RAB3GAP1: variants seen among roughly 807,000 people sequenced by gnomAD.
RAB3GAP1 encodes the protein rab3 GTPase-activating protein catalytic subunit.
In RAB3GAP1, 86 loss-of-function variants were observed where a neutral mutation model predicts 130.7. That is an observed-to-expected ratio of 0.66 (90% CI 0.55 to 0.79). The LOEUF (loss-of-function observed/expected upper bound fraction) is 0.79. RAB3GAP1 is among the 30% of genes least tolerant of loss of function. RAB3GAP1 has a pLI of 0.00. For synonymous variants in RAB3GAP1, 367 were observed against 401.7 expected (o/e 0.91, Z 1.03); for missense variants, 1,029 against 1,169.4 (o/e 0.88, Z 1.75).
intron 11 of RAB3GAP1, among the ~76,000 whole-genome samples, chr2:135,129,461 A>T (rs78766144): frequency 9.9e-5 from 15 of 151,664 alleles, no homozygotes; most frequent in East Asian, 3.9e-4. Context: ...CAAAAAAAAA[A>T]AAATAAAATA....
rs146704578 is a variant in RAB3GAP1 at position 135,095,817 on chromosome 2, C to T, written c.362+2124C>T. ...TATCTACAATGTATACACTACCTGC[C>T]CCTTAGGCACTTAGTAGTCATCTTG... On this transcript the variant is annotated intron_variant, in intron 5 of 23. Transcript: ENST00000264158. Among the ~76,000 whole-genome samples, 906 of 152,248 alleles carry T rather than the reference C, an allele frequency of 6.0e-3. 8 individuals carry two copies. The highest frequency in any genetic ancestry group is 0.041 in the South Asian group (197 of 4,812).
intron 7 of RAB3GAP1, among the ~76,000 whole-genome samples, chr2:135,117,543 GCTTCTTCTTCTTCTGCTT>G (rs1691027828): frequency 4.6e-5 from 2 of 43,846 alleles, no homozygotes; most frequent in African/African-American, 1.8e-4. Flanking sequence ...TTCTTCTTCT[GCTTCTTCTTCTTCTGCTT>G]CTTCTTCTGC....
chr2:135,157,504 G>C (rs1360301608), intron 19 of RAB3GAP1, among the ~76,000 whole-genome samples: 1 of 152,148 alleles, frequency 6.6e-6, no homozygotes, highest in African/African-American at 2.4e-5. Flanking sequence ...GTGTTTGACT[G>C]TATACTGTCA....
At chr2:135,117,663 G>GCTTCTGCTT (rs1427432097) in intron 7 of RAB3GAP1, among the ~76,000 whole-genome samples, 10,146 of 38,684 alleles carry the variant, frequency 0.26, 334 homozygotes, top group African/African-American at 0.31. Flanking sequence ...TGCTTCTTCT[G>GCTTCTGCTT]CTTCTGCTTC....
intron 3 of RAB3GAP1, among the ~76,000 whole-genome samples, chr2:135,074,204 G>C (rs1288224617): frequency 6.6e-6 from 1 of 152,200 alleles, no homozygotes; most frequent in African/African-American, 2.4e-5. Context: ...GCTGCCTTAC[G>C]TGGGAGAATT....
rs1305020627 is a variant in RAB3GAP1, at chr2:135,054,757, T to G, written c.74+2272T>G. ...GAAGTGGAATATTAAGTCCTTTAGC[T>G]TTGCATATGGAAATAATTATTAACA... On this transcript the variant is annotated intron_variant, in intron 2 of 23. Transcript: ENST00000264158. Among the ~76,000 whole-genome samples the G allele has an allele frequency of 2.6e-5, 4 of 152,240 alleles. 1 individual carries two copies. The highest frequency in any genetic ancestry group is 6.3e-3 in the Middle Eastern group (2 of 316).
At chr2:135,148,171 T>C (rs1382642583) in intron 17 of RAB3GAP1, among the ~76,000 whole-genome samples, 1 of 152,226 alleles carries the variant, frequency 6.6e-6, no homozygotes, top group Non-Finnish European at 1.5e-5. Flanking sequence ...GTTAATTTTA[T>C]TTGAATTATG....
intron 3 of RAB3GAP1, among the ~76,000 whole-genome samples, chr2:135,075,094 T>A (rs1340026026): frequency 6.6e-6 from 1 of 152,200 alleles, no homozygotes; most frequent in African/African-American, 2.4e-5. Context: ...TTCAGTAAAA[T>A]GTAAGAAAAG....
intron 3 of RAB3GAP1, among the ~76,000 whole-genome samples, chr2:135,072,739 A>C (rs982540381): frequency 6.6e-6 from 1 of 152,196 alleles, no homozygotes; most frequent in South Asian, 2.1e-4. Flanking sequence ...CATATAAAGT[A>C]TCTTTTTTAT....
At position 135,132,931 on chromosome 2, in the gene RAB3GAP1, G is replaced by T; in HGVS notation, c.1273G>T (p.Asp425Tyr). 3.8e-6 allele frequency: 6 copies of T among 1,584,676 alleles called. No homozygotes were observed. The highest frequency in any genetic ancestry group is 5.2e-6 in the Non-Finnish European group (6 of 1,153,666). ...FPDAVSEKPL[D>Y]GTTSTDNNNP... is the part of the protein sequence containing the mutation. ...TGATGCTGTTTCTGAGAAACCATTA[G>T]ATGGAACTACTTCAACAGATAATAA... Residue 425 changes from aspartate to tyrosine, a missense_variant, in exon 14 of 24, where the codon GAT (aspartate) becomes TAT (tyrosine). By Grantham distance (160) the Asp-to-Tyr change is radical (BLOSUM62 -3). Coordinates refer to ENST00000264158, the MANE Select transcript of RAB3GAP1 (RefSeq NM_012233.3).
At chr2:135,095,055 G>C (rs1025602079) in intron 5 of RAB3GAP1, among the ~76,000 whole-genome samples, 20 of 151,986 alleles carry the variant, frequency 1.3e-4, no homozygotes, top group African/African-American at 3.9e-4. Context: ...CTGCAAGCAG[G>C]CTTTTTTTTG....
intron 3 of RAB3GAP1, among the ~76,000 whole-genome samples, chr2:135,085,271 A>G (rs1469469112): frequency 6.6e-6 from 1 of 152,212 alleles, no homozygotes. Flanking sequence ...AAATTTTTAT[A>G]CAATATGTGT....
chr2:135,105,732 A>C (rs1690583620), intron 5 of RAB3GAP1, among the ~76,000 whole-genome samples: 2 of 133,268 alleles, frequency 1.5e-5, no homozygotes, highest in African/African-American at 2.9e-5. Flanking sequence ...CTGGCTGCCC[A>C]GTCTGGGAAG....
intron 5 of RAB3GAP1, among the ~76,000 whole-genome samples, chr2:135,096,070 G>T (rs1479934494): frequency 6.6e-6 from 1 of 152,260 alleles, no homozygotes; most frequent in East Asian, 1.9e-4. Flanking sequence ...GATAAGGAGG[G>T]ACTATTTACA....
At chr2:135,124,295 A>C (rs1349850194) in intron 9 of RAB3GAP1, 49 bp downstream of exon 9, 1 of 1,498,842 alleles carries the variant, frequency 6.7e-7, no homozygotes, top group Non-Finnish European at 9.3e-7. Context: ...TTTACTTTGA[A>C]TTTATATTGA....
intron 8 of RAB3GAP1, among the ~76,000 whole-genome samples, chr2:135,122,156 A>G (rs1005629641): frequency 6.6e-6 from 1 of 152,174 alleles, no homozygotes; most frequent in Non-Finnish European, 1.5e-5. Flanking sequence ...ATGTACTACT[A>G]CTATTTTATT....
At position 135,103,035 on chromosome 2, in the gene RAB3GAP1, A is replaced by ATTTTTTTTTTTTTTTTTTTTTTT. The variant is rs539310402; in HGVS notation, c.362+9362_362+9363insTTTTTTTTTTTTTTTTTTTTTTT. ...AAAAAAAAAAAAAATCATTTTTGTG[A>ATTTTTTTTTTTTTTTTTTTTTTT]TTTTTTTTTTTTTTTTTTTTGAGAC... is the stretch of plus-strand genomic sequence containing the variant. On this transcript the variant is annotated intron_variant, in intron 5 of 23. Transcript: ENST00000264158. Among the ~76,000 whole-genome samples the ATTTTTTTTTTTTTTTTTTTTTTT allele has an allele frequency of 1.5e-4, 14 of 90,884 alleles. 3 individuals carry two copies. Among genetic ancestry groups the ATTTTTTTTTTTTTTTTTTTTTTT allele is most frequent in the African/African-American group, 5.5e-4 (10 of 18,182 alleles). The allele number at this position is 90,884 out of a possible 152,430, so 59.6% of individuals were successfully genotyped here. A position where few individuals can be genotyped will look rare whatever the true frequency, so the allele number is the denominator to read the frequency against.
chr2:135,075,910 CTTTT>C (rs996535280), intron 3 of RAB3GAP1, among the ~76,000 whole-genome samples: 2 of 126,724 alleles, frequency 1.6e-5, no homozygotes. Flanking sequence ...TAACAGATTT[CTTTT>C]TTTTTTTTTT....
intron 23 of RAB3GAP1, among the ~76,000 whole-genome samples, chr2:135,166,911 T>G (rs1416930330): frequency 6.6e-6 from 1 of 152,194 alleles, no homozygotes; most frequent in East Asian, 1.9e-4. Context: ...CCATCTACAT[T>G]ATGTCATTTA....
Sources: gnomAD v4.1 joint callset for allele counts (sites outside exome capture counted in the v4.1 genomes callset) on GRCh38, gnomAD v4.1.1 for gene constraint, MANE v1.5 for transcripts, NCBI Gene and HGNC (gene_info 2026-07-23, HGNC 2026-07-21) for gene names.